Variants in RP1 observed in about 807,000 individuals in gnomAD.
RP1 encodes the protein oxygen-regulated protein 1.
Under a neutral mutation model 14.8 loss-of-function variants are expected in RP1, and 16 were observed. The ratio of observed to expected loss-of-function variants is 1.08; its 90% CI spans 0.73 to 1.65. The LOEUF is 1.65. RP1 is among the 40% of genes most tolerant of loss of function. The pLI is 0.00. For missense variants in RP1, 2,631 were observed against 2,535.0 expected (o/e 1.04, Z -0.81); for synonymous variants, 876 against 883.6 (o/e 0.99, Z 0.15).
chr8:54,783,430 T>C, intron 23 of RP1: 1 of 492,716 alleles, frequency 2.0e-6, no homozygotes, highest in Non-Finnish European at 3.2e-6. Context: ...ATTTTAGTAC[T>C]TGATTTCACG....
chr8:54,684,564 A>G (rs1807512912), intron 12 of RP1, among the ~76,000 whole-genome samples: 2 of 151,996 alleles, frequency 1.3e-5, no homozygotes, highest in African/African-American at 4.8e-5. Flanking sequence ...CCAGGAATTT[A>G]TCCATTTCTT....
intron 7 of RP1, among the ~76,000 whole-genome samples, chr8:54,668,677 G>T (rs1807074411): frequency 6.6e-6 from 1 of 152,010 alleles, no homozygotes; most frequent in Non-Finnish European, 1.5e-5. Flanking sequence ...CCAAAACAGA[G>T]ATATAGACCA....
chr8:54,690,113 A>T (rs1229614840), intron 12 of RP1, among the ~76,000 whole-genome samples: 1 of 152,008 alleles, frequency 6.6e-6, no homozygotes, highest in Non-Finnish European at 1.5e-5. Context: ...CCCTTTGAAT[A>T]GATAAAAATA....
intron 19 of RP1, among the ~76,000 whole-genome samples, chr8:54,744,148 G>C (rs1049894892): frequency 3.9e-5 from 6 of 152,186 alleles, no homozygotes; most frequent in Admixed American, 2.6e-4. Flanking sequence ...CATTACTGTA[G>C]GGGTTTGAGG....
intron 19 of RP1, among the ~76,000 whole-genome samples, chr8:54,748,157 A>G (rs761857303): frequency 2.0e-5 from 3 of 152,334 alleles, no homozygotes; most frequent in Admixed American, 1.3e-4. Context: ...TAGCAAAATT[A>G]GGTAAGAAAT....
chr8:54,669,720 C>A (rs1386199319), intron 7 of RP1, among the ~76,000 whole-genome samples: 3 of 152,160 alleles, frequency 2.0e-5, no homozygotes, highest in Non-Finnish European at 4.4e-5. Context: ...AGTTCATGTC[C>A]TTTACAGGGC....
At chr8:54,760,303 T>C (rs1440386042) in intron 22 of RP1, among the ~76,000 whole-genome samples, 1 of 152,224 alleles carries the variant, frequency 6.6e-6, no homozygotes, top group East Asian at 1.9e-4. Flanking sequence ...CTCATCGCAG[T>C]CGTCTTCCAA....
upstream of RP1, chr8:54,616,026 A>G (rs1218638535): frequency 6.6e-6 from 1 of 152,226 alleles, no homozygotes; most frequent in Non-Finnish European, 1.5e-5. Context: ...GATTAGCATC[A>G]CCATGGATTA....
chr8:54,617,667 C>A (rs1262692247), intron 1 of RP1, among the ~76,000 whole-genome samples: 1 of 152,200 alleles, frequency 6.6e-6, no homozygotes, highest in South Asian at 2.1e-4. Flanking sequence ...TCTCTTCTCA[C>A]TCCTACCCCC....
At chr8:54,853,828 CAAAG>C (rs57300174) in intron 26 of RP1, among the ~76,000 whole-genome samples, 9,133 of 66,406 alleles carry the variant, frequency 0.14, 997 homozygotes, top group African/African-American at 0.37. Context: ...GGAAGAGAAA[CAAAG>C]AGAGAGAAAG....
In RP1 at chr8:54,778,067, G is replaced by A. The variant is rs114160505; in HGVS notation, c.3452-5480G>A. ...AATACATTTTAACGGATCCCAAAAC[G>A]TTTCATAAATCACCCATTCGTTTTT... On this transcript the variant is annotated intron_variant, in intron 23 of 28. Coordinates refer to the RP1 transcript ENST00000637698. Among the ~76,000 whole-genome samples the A allele has an allele frequency of 4.6e-3, 696 of 152,194 alleles. 2 individuals are homozygous for A. The highest frequency in any genetic ancestry group is 0.015 in the African/African-American group (639 of 41,540).
chr8:54,713,375 A>T (rs1471326037), intron 15 of RP1, among the ~76,000 whole-genome samples: 1 of 152,208 alleles, frequency 6.6e-6, no homozygotes, highest in Non-Finnish European at 1.5e-5. Flanking sequence ...TTAAAATAAC[A>T]TGGGTGGAAC....
Position 54,626,327 on chromosome 8 carries a change from A to G in RP1, c.2445A>G (p.Glu815=), listed in dbSNP as rs1806047064. Reference sequence around the variant, plus strand: ...CTAAATATTGCAAAAGTACTTTTGAAAACAAAAGTTTATTTCATGTATTTA... The same window carrying G: ...CTAAATATTGCAAAAGTACTTTTGAGAACAAAAGTTTATTTCATGTATTTA... ...NESKYCKSTF[E]NKSLFHVFNI... is the part of the protein sequence containing the mutation. Residue 815 remains glutamate, a synonymous_variant, in exon 4 of 4, where the codon GAA becomes GAG. Transcript: ENST00000220676. 1 of 1,613,368 alleles carries G rather than the reference A, an allele frequency of 6.2e-7. No individual in the cohort carries two copies. Among genetic ancestry groups the G allele is most frequent in the Admixed American group, 1.7e-5 (1 of 59,960 alleles).
intron 1 of RP1, among the ~76,000 whole-genome samples, chr8:54,581,427 C>G (rs1017789257): frequency 1.3e-5 from 2 of 152,182 alleles, no homozygotes; most frequent in Non-Finnish European, 2.9e-5. Flanking sequence ...TGGGTTGGTT[C>G]CAAGTCTTTG....
At position 54,823,546 on chromosome 8, in the gene RP1, C is replaced by A. The variant is rs371973909; in HGVS notation, c.3616-13904C>A. Reference sequence around the variant, plus strand: ...GGTTTCACCATGTTGACCTGGCTGGCCTTGAACTCCTGAGCTCAAGTGGTC... The same window carrying A: ...GGTTTCACCATGTTGACCTGGCTGGACTTGAACTCCTGAGCTCAAGTGGTC... On this transcript the variant is annotated intron_variant, in intron 24 of 28. Transcript: ENST00000637698. 1.2e-4 allele frequency among the ~76,000 whole-genome samples: 19 copies of A among 152,120 alleles called. No homozygotes were observed. The South Asian group carries it at 1.7e-3, about 13-fold the overall frequency.
chr8:54,707,141 TG>T (rs1258600659), intron 15 of RP1, among the ~76,000 whole-genome samples: 1 of 152,136 alleles, frequency 6.6e-6, no homozygotes, highest in African/African-American at 2.4e-5. Context: ...TTTTTCTTTT[TG>T]TATTTTTATT....
intron 14 of RP1, among the ~76,000 whole-genome samples, chr8:54,705,960 CTTT>C (rs1474839136): frequency 6.6e-6 from 1 of 151,816 alleles, no homozygotes; most frequent in Non-Finnish European, 1.5e-5. Context: ...TCTCAAGAGT[CTTT>C]TATATCTTCC....
In RP1 at chr8:54,765,106, C is replaced by T. The variant is rs148313747; in HGVS notation, c.3249-4635C>T. 3.3e-3 allele frequency among the ~76,000 whole-genome samples: 501 copies of T among 152,356 alleles called. 5 individuals carry two copies. Among genetic ancestry groups the T allele is most frequent in the African/African-American group, 0.012 (479 of 41,586 alleles). The stretch of plus-strand genomic sequence containing the variant: ...ACTGCAGCCTCACACACCAGCAGGC[C>T]GCATCTCCATGCATGAGATTCTTCC... On this transcript the variant is annotated intron_variant, in intron 22 of 22. Transcript: ENST00000636932.
intron 1 of RP1, among the ~76,000 whole-genome samples, chr8:54,604,940 T>C (rs184807131): frequency 1.7e-4 from 26 of 152,346 alleles, no homozygotes; most frequent in African/African-American, 2.2e-4. Context: ...TTCTTCTTTA[T>C]TAGTCTTGCT....
Sources: gnomAD v4.1 joint callset for allele counts (sites outside exome capture counted in the v4.1 genomes callset) on GRCh38, gnomAD v4.1.1 for gene constraint, MANE v1.5 for transcripts, NCBI Gene and HGNC (gene_info 2026-07-23, HGNC 2026-07-21) for gene names.